Variants in SPECC1 observed in about 807,000 individuals in gnomAD.
SPECC1 encodes cytospin-B.
A neutral mutation model predicts 104.1 loss-of-function variants in SPECC1; 62 were observed. That is an observed-to-expected ratio of 0.60 (90% CI 0.49 to 0.74). The LOEUF is 0.74. Among genes scored for constraint, SPECC1 ranks in the 30% least tolerant of loss-of-function variants. SPECC1 has a pLI of 0.00. For missense variants in SPECC1, 1,306 were observed against 1,310.5 expected, an observed-to-expected ratio of 1.00 and a Z score of 0.05; for synonymous variants, 513 against 501.6, an observed-to-expected ratio of 1.02 and a Z score of -0.30.
At chr17:20,286,564 C>T (rs1300736772) in intron 12 of SPECC1, among the ~76,000 whole-genome samples, 4 of 152,190 alleles carry the variant, frequency 2.6e-5, no homozygotes, top group African/African-American at 9.7e-5. Flanking sequence ...AGACTTTTCA[C>T]CTCCATCCAG....
At chr17:20,206,417 ATGTG>A (rs1001165047) in intron 4 of SPECC1, among the ~76,000 whole-genome samples, 1 of 152,178 alleles carries the variant, frequency 6.6e-6, no homozygotes, top group Non-Finnish European at 1.5e-5. Context: ...TTCCAGATAT[ATGTG>A]TGTGTATGTG....
intron 3 of SPECC1, chr17:20,156,077 C>G: frequency 1.5e-6 from 2 of 1,326,324 alleles, no homozygotes; most frequent in Non-Finnish European, 1.9e-6. Context: ...CCGGTCCTTT[C>G]TTTGACTGGA....
At chr17:20,123,611 T>C (rs1448320218) in intron 3 of SPECC1, among the ~76,000 whole-genome samples, 1 of 152,190 alleles carries the variant, frequency 6.6e-6, no homozygotes, top group African/African-American at 2.4e-5. Flanking sequence ...CCATCTGACA[T>C]GTGAAGAAGC....
intron 4 of SPECC1, among the ~76,000 whole-genome samples, chr17:20,207,309 TTC>T (rs2036853075): frequency 1.3e-5 from 2 of 152,218 alleles, no homozygotes; most frequent in African/African-American, 4.8e-5. Context: ...GTTAAGGAGT[TTC>T]TCTCTTTGTC....
At chr17:20,010,615 T>G (rs1195750676) in intron 1 of SPECC1, among the ~76,000 whole-genome samples, 1 of 152,212 alleles carries the variant, frequency 6.6e-6, no homozygotes, top group Non-Finnish European at 1.5e-5. Context: ...CTGTCTCAGT[T>G]TTAATAGTTT....
chr17:20,167,731 T>C (rs1157165884), intron 3 of SPECC1, among the ~76,000 whole-genome samples: 2 of 152,190 alleles, frequency 1.3e-5, no homozygotes, highest in Non-Finnish European at 2.9e-5. Flanking sequence ...GATGGTGTTA[T>C]AGGTAAAGTT....
intron 1 of SPECC1, among the ~76,000 whole-genome samples, chr17:20,036,797 A>G (rs953372901): frequency 2.0e-5 from 3 of 152,066 alleles, no homozygotes; most frequent in South Asian, 2.1e-4. Context: ...CAGGTCTTTC[A>G]TTTCCCTTTC....
chr17:20,153,069 C>T (rs943359096), intron 3 of SPECC1, among the ~76,000 whole-genome samples: 1 of 152,236 alleles, frequency 6.6e-6, no homozygotes, highest in Non-Finnish European at 1.5e-5. Flanking sequence ...CAAATACTAT[C>T]ACATTGTGGG....
At chr17:20,186,600 A>G (rs2035296484) in intron 3 of SPECC1, among the ~76,000 whole-genome samples, 2 of 152,188 alleles carry the variant, frequency 1.3e-5, no homozygotes, top group African/African-American at 4.8e-5. Flanking sequence ...TCTCACTCCC[A>G]TCGCTCAGGC....
chr17:20,310,725 GC>G (rs2041906914), intron 14 of SPECC1, among the ~76,000 whole-genome samples: 1 of 152,250 alleles, frequency 6.6e-6, no homozygotes, highest in Admixed American at 6.5e-5. Context: ...AGGACTGGGT[GC>G]TGGCATGCCC....
chr17:20,205,738 G>A lies in SPECC1; in HGVS notation c.1689G>A (p.Gln563=), dbSNP rs1567939344. 6.2e-7 allele frequency: 1 copy of A among 1,614,210 alleles called. No homozygotes were observed. Among genetic ancestry groups the A allele is most frequent in the East Asian group, 2.2e-5 (1 of 44,890 alleles). The change falls in exon 4 of 15, where the codon CAG becomes CAA. Residue 563 remains glutamine (Q), a synonymous_variant. Coordinates refer to ENST00000395527, the MANE Select transcript of SPECC1 (RefSeq NM_001243439.2). ...SLKSHLQGEK[Q]KATEASAVEQ... ...AGTCTCATTTGCAGGGTGAGAAGCAGAAAGCCACAGAGGCCAGTGCTGTGG... is the reference window on the plus strand; with the variant it reads ...AGTCTCATTTGCAGGGTGAGAAGCAAAAAGCCACAGAGGCCAGTGCTGTGG...
intron 10 of SPECC1, 123 bp downstream of exon 10, chr17:20,253,709 A>T: frequency 1.1e-6 from 1 of 885,942 alleles, no homozygotes; most frequent in Non-Finnish European, 1.8e-6. Flanking sequence ...AGTGATTTCA[A>T]CCCCGAATAA....
At chr17:20,135,397 A>G (rs2049865012) in intron 3 of SPECC1, among the ~76,000 whole-genome samples, 1 of 152,134 alleles carries the variant, frequency 6.6e-6, no homozygotes, top group Non-Finnish European at 1.5e-5. Context: ...GTAGTTTTAT[A>G]CTGTGAAAAT....
intron 14 of SPECC1, among the ~76,000 whole-genome samples, chr17:20,311,108 T>G (rs979604355): frequency 3.3e-5 from 5 of 151,758 alleles, no homozygotes; most frequent in African/African-American, 4.8e-5. Flanking sequence ...GGGGTTTTTT[T>G]TTTTTTTTTT....
chr17:20,182,475 AAGAT>A (rs1250065242), intron 3 of SPECC1, among the ~76,000 whole-genome samples: 10 of 152,286 alleles, frequency 6.6e-5, no homozygotes, highest in Non-Finnish European at 1.3e-4. Flanking sequence ...GGTTTAAAAA[AAGAT>A]AGACAATTTT....
intron 1 of SPECC1, among the ~76,000 whole-genome samples, chr17:20,043,248 G>A (rs2045406072): frequency 6.6e-6 from 1 of 152,116 alleles, no homozygotes; most frequent in Non-Finnish European, 1.5e-5. Flanking sequence ...CTGGCTGGGG[G>A]TCACAGGAAG....
rs759193756 is a variant in SPECC1, at chr17:20,111,157, C to G, written c.283+595C>G. ...TATCAAAGAATTTATTTAATTCTCT[C>G]TTTGTGCATATAGATAATAACTCTT... On this transcript the variant is annotated intron_variant, in intron 3 of 14. Coordinates refer to ENST00000395527, the MANE Select transcript of SPECC1 (RefSeq NM_001243439.2). Among the ~76,000 whole-genome samples, 3 of 152,200 alleles carry G rather than the reference C, an allele frequency of 2.0e-5. No homozygotes were observed. The South Asian group carries it at 6.2e-4, about 32-fold the overall frequency.
intron 3 of SPECC1, among the ~76,000 whole-genome samples, chr17:20,179,584 C>A (rs912033002): frequency 6.6e-6 from 1 of 152,172 alleles, no homozygotes; most frequent in Non-Finnish European, 1.5e-5. Flanking sequence ...GGTTCAAAAG[C>A]TAGGTAGTCA....
In SPECC1 at chr17:20,065,852, C is replaced by CAG. The variant is rs574551607; in HGVS notation, c.-21-30765_-21-30764dup. On this transcript the variant is annotated intron_variant, in intron 1 of 14. Transcript: ENST00000395527. ...GGCACGTGAAAGGACAGGAGAAGTTCAGAGAGAGAGAGAGATTCTGTTTCC... is the reference window on the plus strand; with the variant it reads ...GGCACGTGAAAGGACAGGAGAAGTTCAGAGAGAGAGAGAGAGATTCTGTTTCC... Among the ~76,000 whole-genome samples, 119 of 151,688 alleles carry CAG rather than the reference C, an allele frequency of 7.8e-4. 1 individual carries two copies. The highest frequency in any genetic ancestry group is 7.2e-3 in the East Asian group (37 of 5,160).
Sources: allele counts gnomAD v4.1 joint callset (sites outside exome capture counted in the v4.1 genomes callset), GRCh38; gene constraint gnomAD v4.1.1; transcripts MANE v1.5; gene names NCBI Gene and HGNC (gene_info 2026-07-23, HGNC 2026-07-21).